The following PSD3 variants were observed in gnomAD, a reference collection of about 807,000 sequenced individuals.
PSD3 encodes the protein pleckstrin and Sec7 domain containing 3.
Under a neutral mutation model 105.5 loss-of-function variants are expected in PSD3, and 49 were observed. That is an observed-to-expected ratio of 0.46 (90% CI 0.37 to 0.59). The LOEUF is 0.59. Ranked by LOEUF, PSD3 falls within the 20% of genes least tolerant of loss-of-function variation. PSD3 has a pLI of 0.00. For synonymous variants in PSD3, 557 were observed against 457.8 expected (o/e 1.22, Z -2.77); for missense variants, 1,561 against 1,263.8 (o/e 1.24, Z -3.57).
chr8:18,780,169 T>C (rs1235805796), intron 8 of PSD3, among the ~76,000 whole-genome samples: 1 of 152,246 alleles, frequency 6.6e-6, no homozygotes. Context: ...TCTACCATTA[T>C]AGAATTACCT....
Position 18,530,779 on chromosome 8 carries a change from G to A in PSD3, c.*4964C>T, listed in dbSNP as rs1799603306. 1 of 151,146 alleles carries A rather than the reference G, an allele frequency of 6.6e-6. No individual in the cohort carries two copies. The highest frequency in any genetic ancestry group is 2.1e-4 in the South Asian group (1 of 4,758). 9.4% of individuals were successfully genotyped at this position (151,146 alleles called of 1,614,324 possible). Reference sequence around the variant, plus strand: ...ACAGTACACTGCAAAAGATTCACAAGGTTAGTTGAAAGTCATTTTTGCCCT... The same window carrying A: ...ACAGTACACTGCAAAAGATTCACAAAGTTAGTTGAAAGTCATTTTTGCCCT... On this transcript the variant is annotated 3_prime_UTR_variant, in exon 16 of 16. Coordinates refer to ENST00000327040, the MANE Select transcript of PSD3 (RefSeq NM_015310.4).
chr8:18,905,508 G>C (rs1205659078), intron 2 of PSD3, among the ~76,000 whole-genome samples: 1 of 152,118 alleles, frequency 6.6e-6, no homozygotes, highest in East Asian at 1.9e-4. Flanking sequence ...ATTTTTAATA[G>C]ACGGGGTTTC....
chr8:18,961,617 G>A (rs1444341245), intron 1 of PSD3, among the ~76,000 whole-genome samples: 1 of 152,152 alleles, frequency 6.6e-6, no homozygotes, highest in Non-Finnish European at 1.5e-5. Flanking sequence ...CTTCAACCCA[G>A]GAGGCGGAGG....
Position 18,568,941 on chromosome 8 carries a change from G to A in PSD3, c.2784+3587C>T, listed in dbSNP as rs572823664. Among the ~76,000 whole-genome samples the A allele has an allele frequency of 2.1e-4, 31 of 148,640 alleles. No homozygotes were observed. The South Asian group carries it at 6.8e-3, about 33-fold the overall frequency. On this transcript the variant is annotated intron_variant, in intron 14 of 15. Transcript: ENST00000327040. ...CTCACTGTTCAGTTCCCACCTATGA[G>A]TGAGAATATGTGGTGTTTGGTTTTT...
chr8:18,547,750 G>A (rs187664955), intron 15 of PSD3, among the ~76,000 whole-genome samples: 1 of 152,144 alleles, frequency 6.6e-6, no homozygotes, highest in Non-Finnish European at 1.5e-5. Flanking sequence ...TTGACAGTTT[G>A]ATTATAATAT....
chr8:18,667,846 C>T (rs1799566688), intron 9 of PSD3, among the ~76,000 whole-genome samples: 2 of 152,218 alleles, frequency 1.3e-5, no homozygotes, highest in Admixed American at 1.3e-4. Flanking sequence ...GCAGCTGAGG[C>T]CTGGGGAGAA....
chr8:18,984,529 G>C (rs868812045), intron 1 of PSD3, among the ~76,000 whole-genome samples: 1 of 152,086 alleles, frequency 6.6e-6, no homozygotes, highest in Non-Finnish European at 1.5e-5. Flanking sequence ...ATTTTTTAAA[G>C]AATGCTCTCA....
chr8:18,929,199 C>T (rs561619677), intron 2 of PSD3, among the ~76,000 whole-genome samples: 7 of 151,866 alleles, frequency 4.6e-5, no homozygotes, highest in African/African-American at 1.4e-4. Flanking sequence ...TTCTCTAAGT[C>T]ATATGAAAAT....
chr8:19,028,586 T>C (rs1053294099), intron 1 of PSD3, among the ~76,000 whole-genome samples: 4 of 152,178 alleles, frequency 2.6e-5, no homozygotes, highest in Admixed American at 6.5e-5. Flanking sequence ...ACATCCTGGA[T>C]ACAATTTATG....
At chr8:18,769,946 T>A (rs977409099) in intron 8 of PSD3, among the ~76,000 whole-genome samples, 5 of 152,248 alleles carry the variant, frequency 3.3e-5, no homozygotes, top group African/African-American at 1.2e-4. Context: ...TAAATATTCA[T>A]GTATAAGTTT....
chr8:18,829,995 G>A (rs970330724), intron 4 of PSD3, among the ~76,000 whole-genome samples: 2 of 151,808 alleles, frequency 1.3e-5, no homozygotes, highest in South Asian at 2.1e-4. Context: ...TTTTGAGATG[G>A]AGTGCTTTGT....
intron 9 of PSD3, among the ~76,000 whole-genome samples, chr8:18,727,961 G>C (rs1803456271): frequency 6.6e-6 from 1 of 151,928 alleles, no homozygotes; most frequent in African/African-American, 2.4e-5. Context: ...TATTCCATGA[G>C]GGCAGGGATT....
intron 1 of PSD3, among the ~76,000 whole-genome samples, chr8:18,944,554 G>T (rs1822743832): frequency 6.6e-6 from 1 of 151,782 alleles, no homozygotes; most frequent in African/African-American, 2.4e-5. Context: ...CTGGGCGACA[G>T]AGTGAGACTC....
intron 11 of PSD3, 73 bp downstream of exon 11, chr8:18,632,540 G>C: frequency 6.8e-7 from 1 of 1,481,320 alleles, no homozygotes; most frequent in Non-Finnish European, 9.2e-7. Flanking sequence ...TTGACTTTCA[G>C]ATAAATTCCC....
At chr8:18,879,655 C>G (rs2129458444) in intron 2 of PSD3, among the ~76,000 whole-genome samples, 1 of 152,302 alleles carries the variant, frequency 6.6e-6, no homozygotes, top group East Asian at 1.9e-4. Context: ...GTGGCACCAT[C>G]ATAGCTCACT....
intron 4 of PSD3, among the ~76,000 whole-genome samples, chr8:18,826,961 T>C (rs898259121): frequency 3.3e-5 from 5 of 152,192 alleles, no homozygotes; most frequent in Admixed American, 6.5e-5. Flanking sequence ...ATGATAATAG[T>C]ATCAGCTCAT....
chr8:19,057,912 C>T (rs1374858593), intron 1 of PSD3, among the ~76,000 whole-genome samples: 4 of 152,182 alleles, frequency 2.6e-5, no homozygotes, highest in Admixed American at 1.3e-4. Context: ...ATACGCTCAT[C>T]ATATGACCCA....
intron 8 of PSD3, among the ~76,000 whole-genome samples, chr8:18,769,208 C>T (rs1220351466): frequency 6.6e-6 from 1 of 152,044 alleles, no homozygotes; most frequent in Non-Finnish European, 1.5e-5. Context: ...AATCTTTTTC[C>T]AAGTCAGGTG....
At chr8:18,619,755 T>C (rs1805968828) in intron 11 of PSD3, among the ~76,000 whole-genome samples, 2 of 152,124 alleles carry the variant, frequency 1.3e-5, no homozygotes, top group South Asian at 4.1e-4. Context: ...ATAACGTGGC[T>C]TACTCCCCAA....
Sources: allele counts gnomAD v4.1 joint callset (sites outside exome capture counted in the v4.1 genomes callset), GRCh38; gene constraint gnomAD v4.1.1; transcripts MANE v1.5; gene names NCBI Gene and HGNC (gene_info 2026-07-23, HGNC 2026-07-21).